TBC1D5: variants seen among roughly 807,000 people sequenced by gnomAD.
TBC1D5 encodes TBC1 domain family member 5.
A neutral mutation model predicts 100.3 loss-of-function variants in TBC1D5; 75 were observed. That is an observed-to-expected ratio of 0.75 (90% CI 0.62 to 0.91). The LOEUF is 0.91. Among genes scored for constraint, TBC1D5 ranks in the 40% least tolerant of loss-of-function variants. TBC1D5 has a pLI of 0.00. For synonymous variants in TBC1D5, 323 were observed against 325.6 expected (o/e 0.99, Z 0.09); for missense variants, 910 against 942.4 (o/e 0.97, Z 0.45).
At chr3:17,442,879 G>T (rs1444923916) in intron 3 of TBC1D5, among the ~76,000 whole-genome samples, 1 of 151,906 alleles carries the variant, frequency 6.6e-6, no homozygotes, top group African/African-American at 2.4e-5. Context: ...AAGGGGAGAG[G>T]AGAGGGAGAA....
At chr3:17,349,196 G>C (rs2090261657) in intron 13 of TBC1D5, among the ~76,000 whole-genome samples, 1 of 152,144 alleles carries the variant, frequency 6.6e-6, no homozygotes, top group Admixed American at 6.6e-5. Context: ...TAGTCTATCA[G>C]TATATATCAG....
intron 4 of TBC1D5, among the ~76,000 whole-genome samples, chr3:17,414,976 G>T (rs192375127): frequency 1.4e-4 from 22 of 152,078 alleles, no homozygotes; most frequent in Non-Finnish European, 3.1e-4. Flanking sequence ...CTGAAATACA[G>T]GTAAAGAATA....
At chr3:17,539,312 G>A (rs2096323519) in intron 2 of TBC1D5, among the ~76,000 whole-genome samples, 1 of 152,224 alleles carries the variant, frequency 6.6e-6, no homozygotes, top group Non-Finnish European at 1.5e-5. Context: ...AGAAAGAATA[G>A]ACTGTAAATG....
chr3:17,239,519 C>G (rs2076141649), intron 16 of TBC1D5, among the ~76,000 whole-genome samples: 2 of 152,180 alleles, frequency 1.3e-5, no homozygotes, highest in South Asian at 4.1e-4. Context: ...GGTGCCACTT[C>G]TGCTTCCTCA....
At chr3:17,424,417 T>G (rs1385962940) in intron 4 of TBC1D5, among the ~76,000 whole-genome samples, 1 of 152,198 alleles carries the variant, frequency 6.6e-6, no homozygotes, top group Non-Finnish European at 1.5e-5. Context: ...GAAATGACTT[T>G]CCTTCTTTCA....
intron 18 of TBC1D5, among the ~76,000 whole-genome samples, chr3:17,196,896 T>C (rs1243152412): frequency 1.3e-5 from 2 of 152,194 alleles, no homozygotes; most frequent in Non-Finnish European, 2.9e-5. Flanking sequence ...TATTAGGGAA[T>C]AATTGAGCAT....
intron 1 of TBC1D5, among the ~76,000 whole-genome samples, chr3:17,654,382 A>ATTT (rs2065861877): frequency 6.6e-6 from 1 of 152,180 alleles, no homozygotes; most frequent in Admixed American, 6.6e-5. Context: ...CTGGACATAA[A>ATTT]GTTCTTAGTT....
intron 13 of TBC1D5, among the ~76,000 whole-genome samples, chr3:17,356,970 G>A (rs2091271468): frequency 6.8e-6 from 1 of 146,054 alleles, no homozygotes; most frequent in Non-Finnish European, 1.5e-5. Context: ...TGGGGGTTGT[G>A]GGGAGATAAT....
At chr3:17,166,803 TTGGCCTCGGCCC>T in exon 21 of TBC1D5, 1 of 1,614,002 alleles carries the variant, frequency 6.2e-7, no homozygotes. Flanking sequence ...CGCTCTGGCC[TTGGCCTCGGCCC>T]TGGCCCTGGC....
intron 2 of TBC1D5, among the ~76,000 whole-genome samples, chr3:17,578,120 T>C (rs1366143845): frequency 6.6e-6 from 1 of 152,058 alleles, no homozygotes; most frequent in Non-Finnish European, 1.5e-5. Flanking sequence ...TTTTTTTACA[T>C]TTGACTATAA....
chr3:17,188,340 T>C (rs2069410416), intron 18 of TBC1D5, among the ~76,000 whole-genome samples: 1 of 152,194 alleles, frequency 6.6e-6, no homozygotes, highest in Non-Finnish European at 1.5e-5. Flanking sequence ...GCATCTTGAA[T>C]ACCTAAAACC....
At chr3:17,210,190 CTTTT>C (rs756903375) in intron 18 of TBC1D5, among the ~76,000 whole-genome samples, 1 of 146,928 alleles carries the variant, frequency 6.8e-6, no homozygotes, top group African/African-American at 2.5e-5. Flanking sequence ...TTTTTCAGAA[CTTTT>C]TTTTTTTTTT....
intron 2 of TBC1D5, chr3:17,576,539 A>G (rs1249202043): frequency 6.6e-6 from 1 of 152,074 alleles, no homozygotes; most frequent in Non-Finnish European, 1.5e-5. Flanking sequence ...AGACAATATC[A>G]TAGAAGATTT....
intron 12 of TBC1D5, 103 bp downstream of exon 12, chr3:17,374,368 G>A (rs2092611159): frequency 9.3e-7 from 1 of 1,072,424 alleles, no homozygotes; most frequent in Non-Finnish European, 1.3e-6. Flanking sequence ...TTTGGTTACA[G>A]CAATAATAAA....
intron 13 of TBC1D5, among the ~76,000 whole-genome samples, chr3:17,349,524 G>T (rs1423255438): frequency 1.3e-5 from 2 of 152,160 alleles, no homozygotes; most frequent in Non-Finnish European, 1.5e-5. Context: ...TATGGTGATT[G>T]TAACTTTCTA....
chr3:17,495,121 T>TG (rs2095690171), intron 3 of TBC1D5, among the ~76,000 whole-genome samples: 1 of 152,206 alleles, frequency 6.6e-6, no homozygotes, highest in Admixed American at 6.5e-5. Flanking sequence ...TGAGAGAACC[T>TG]GGATACCTCT....
intron 2 of TBC1D5, among the ~76,000 whole-genome samples, chr3:17,514,856 G>T (rs1001421927): frequency 1.3e-5 from 2 of 152,012 alleles, no homozygotes; most frequent in African/African-American, 4.8e-5. Flanking sequence ...TGGGGAATTA[G>T]CTTGGCCTAG....
At chr3:17,324,608 C>T (rs1263156788) in intron 13 of TBC1D5, among the ~76,000 whole-genome samples, 6 of 152,046 alleles carry the variant, frequency 3.9e-5, no homozygotes, top group Non-Finnish European at 5.9e-5. Context: ...TGCACCACTG[C>T]ACTCTATCCT....
At chr3:17,531,589 A>G (rs1390059299) in intron 2 of TBC1D5, among the ~76,000 whole-genome samples, 2 of 152,212 alleles carry the variant, frequency 1.3e-5, no homozygotes, top group Non-Finnish European at 2.9e-5. Flanking sequence ...AAACTATACT[A>G]CAAGGCTACA....
Sources: gnomAD v4.1 joint callset for allele counts (sites outside exome capture counted in the v4.1 genomes callset) on GRCh38, gnomAD v4.1.1 for gene constraint, MANE v1.5 for transcripts, NCBI Gene and HGNC (gene_info 2026-07-23, HGNC 2026-07-21) for gene names.